The following CAMK1D variants were observed in gnomAD, a reference collection of about 807,000 sequenced individuals.
CAMK1D encodes the protein calcium/calmodulin-dependent protein kinase type 1D.
CAMK1D carries 9 observed loss-of-function variants against 47.7 expected under a neutral mutation model. That is an observed-to-expected ratio of 0.19 (90% CI 0.11 to 0.33). The LOEUF (loss-of-function observed/expected upper bound fraction) is 0.33. Among genes scored for constraint, CAMK1D ranks in the 10% least tolerant of loss-of-function variants. CAMK1D has a pLI of 1.00. For synonymous variants in CAMK1D, 184 were observed against 184.9 expected (o/e 0.99, Z 0.04); for missense variants, 291 against 488.7 (o/e 0.60, Z 3.81).
intron 1 of CAMK1D, among the ~76,000 whole-genome samples, chr10:12,506,391 G>T (rs1305611064): frequency 6.6e-6 from 1 of 152,118 alleles, no homozygotes; most frequent in Non-Finnish European, 1.5e-5. Flanking sequence ...TTGCACTCCA[G>T]CCTGAGCAAC....
intron 1 of CAMK1D, among the ~76,000 whole-genome samples, chr10:12,485,789 A>G (rs988922899): frequency 6.6e-6 from 1 of 152,182 alleles, no homozygotes; most frequent in African/African-American, 2.4e-5. Flanking sequence ...CCAAGATGTC[A>G]TATTATTTTT....
intron 1 of CAMK1D, among the ~76,000 whole-genome samples, chr10:12,403,397 C>T (rs1390865726): frequency 6.6e-6 from 1 of 152,150 alleles, no homozygotes; most frequent in African/African-American, 2.4e-5. Flanking sequence ...GCCCACCTGT[C>T]TTTCTTGGAT....
chr10:12,799,712 A>G (rs1838347919), intron 6 of CAMK1D, among the ~76,000 whole-genome samples: 1 of 151,976 alleles, frequency 6.6e-6, no homozygotes, highest in Admixed American at 6.6e-5. Context: ...TTTTTTCCCA[A>G]CTTCCTGCAG....
intron 5 of CAMK1D, among the ~76,000 whole-genome samples, chr10:12,775,079 G>C (rs994433277): frequency 7.9e-6 from 1 of 125,956 alleles, no homozygotes; most frequent in Non-Finnish European, 1.7e-5. Context: ...CTGTGAGAAG[G>C]CTCAGGCATT....
At chr10:12,457,983 T>A (rs1222114046) in intron 1 of CAMK1D, among the ~76,000 whole-genome samples, 1 of 152,104 alleles carries the variant, frequency 6.6e-6, no homozygotes, top group East Asian at 1.9e-4. Context: ...TGTTGACCTT[T>A]GAATCATGTA....
intron 1 of CAMK1D, 58 bp from the exon 2 acceptor site, chr10:12,553,167 G>A: frequency 6.2e-7 from 1 of 1,610,964 alleles, no homozygotes; most frequent in Non-Finnish European, 8.5e-7. Flanking sequence ...GGTGAATGGA[G>A]CCATTGTGAA....
intron 1 of CAMK1D, among the ~76,000 whole-genome samples, chr10:12,406,409 G>GT (rs898894743): frequency 2.0e-5 from 3 of 151,960 alleles, no homozygotes; most frequent in African/African-American, 4.8e-5. Context: ...TATTGTTATT[G>GT]TTTTTTTAAT....
At chr10:12,467,405 A>T (rs1461214739) in intron 1 of CAMK1D, among the ~76,000 whole-genome samples, 1 of 152,086 alleles carries the variant, frequency 6.6e-6, no homozygotes, top group Non-Finnish European at 1.5e-5. Flanking sequence ...CACCTACCTC[A>T]GTCTCCCAAA....
intron 1 of CAMK1D, among the ~76,000 whole-genome samples, chr10:12,378,055 A>G (rs1365330098): frequency 1.3e-5 from 2 of 152,228 alleles, no homozygotes; most frequent in East Asian, 3.8e-4. Context: ...CTCACAGGCC[A>G]CTTCACAGGC....
chr10:12,392,341 A>T (rs1838766401), intron 1 of CAMK1D, among the ~76,000 whole-genome samples: 1 of 151,900 alleles, frequency 6.6e-6, no homozygotes, highest in Admixed American at 6.6e-5. Flanking sequence ...AACAAAAAAC[A>T]TAACAAAACC....
At chr10:12,527,350 C>CTTTTTTTT (rs750670427) in intron 1 of CAMK1D, among the ~76,000 whole-genome samples, 5 of 84,000 alleles carry the variant, frequency 6.0e-5, no homozygotes, top group East Asian at 7.4e-4. Context: ...ACTTGACTTG[C>CTTTTTTTT]TTTTTTTTTT....
chr10:12,381,500 T>C (rs1045796515), intron 1 of CAMK1D, among the ~76,000 whole-genome samples: 7 of 152,132 alleles, frequency 4.6e-5, no homozygotes, highest in Non-Finnish European at 7.4e-5. Flanking sequence ...TGCACCTGGC[T>C]AATTTTTGTA....
chr10:12,371,436 C>T (rs1370575284), intron 1 of CAMK1D, among the ~76,000 whole-genome samples: 4 of 151,452 alleles, frequency 2.6e-5, no homozygotes, highest in Non-Finnish European at 4.4e-5. Context: ...ATTAGTCGGG[C>T]TTAGTGGCGG....
rs554203021 is a variant in CAMK1D at position 12,388,970 on chromosome 10, G to A, written c.92+39060G>A. 7.2e-5 allele frequency among the ~76,000 whole-genome samples: 11 copies of A among 152,306 alleles called. 1 individual carries two copies. The South Asian group carries it at 2.3e-3, about 32-fold the overall frequency. On this transcript the variant is annotated intron_variant, in intron 1 of 10. Coordinates refer to ENST00000619168, the MANE Select transcript of CAMK1D (RefSeq NM_153498.4). Reference sequence around the variant, plus strand: ...TGCGATTTCACTTGGGAAGCACATTGTCGTGTCGTCTGTGTGATTTACATC... The same window carrying A: ...TGCGATTTCACTTGGGAAGCACATTATCGTGTCGTCTGTGTGATTTACATC...
intron 3 of CAMK1D, among the ~76,000 whole-genome samples, chr10:12,747,463 G>T (rs915818164): frequency 1.3e-5 from 2 of 152,024 alleles, no homozygotes; most frequent in African/African-American, 2.4e-5. Flanking sequence ...GCACCACCAC[G>T]CCTGGCCAAT....
At chr10:12,670,105 C>G (rs953294965) in intron 3 of CAMK1D, among the ~76,000 whole-genome samples, 1 of 146,282 alleles carries the variant, frequency 6.8e-6, no homozygotes, top group African/African-American at 2.5e-5. Flanking sequence ...GACAGTTTTC[C>G]AAAGTGGTTG....
intron 2 of CAMK1D, among the ~76,000 whole-genome samples, chr10:12,586,926 C>A (rs1198158138): frequency 1.3e-5 from 2 of 152,134 alleles, no homozygotes; most frequent in African/African-American, 4.8e-5. Flanking sequence ...TGGAGAAGTG[C>A]TTTTCTAGGT....
chr10:12,423,216 A>G (rs1354181275), intron 1 of CAMK1D, among the ~76,000 whole-genome samples: 13 of 152,260 alleles, frequency 8.5e-5, no homozygotes, highest in African/African-American at 2.4e-5. Context: ...GCTGTATCAT[A>G]AAGAAAGGCC....
At chr10:12,570,812 G>A (rs569852358) in intron 2 of CAMK1D, among the ~76,000 whole-genome samples, 56 of 151,864 alleles carry the variant, frequency 3.7e-4, no homozygotes, top group African/African-American at 1.3e-3. Flanking sequence ...TTAGCCAGGC[G>A]TGGTAGAGCA....
Sources: gnomAD v4.1 joint callset for allele counts (sites outside exome capture counted in the v4.1 genomes callset) on GRCh38, gnomAD v4.1.1 for gene constraint, MANE v1.5 for transcripts, NCBI Gene and HGNC (gene_info 2026-07-23, HGNC 2026-07-21) for gene names.